Variants in PSD3 observed in about 807,000 individuals in gnomAD.
The protein encoded by PSD3 is PH and SEC7 domain-containing protein 3.
PSD3 carries 49 observed loss-of-function variants against 105.5 expected under a neutral mutation model. That is an observed-to-expected ratio of 0.46 (90% CI 0.37 to 0.59). The LOEUF (loss-of-function observed/expected upper bound fraction) is 0.59. Among genes scored for constraint, PSD3 ranks in the 20% least tolerant of loss-of-function variants. The pLI, the probability that PSD3 is intolerant of heterozygous loss-of-function variation, is 0.00. For missense variants in PSD3, 1,561 were observed against 1,263.8 expected (o/e 1.24, Z -3.57); for synonymous variants, 557 against 457.8 (o/e 1.22, Z -2.77).
intron 9 of PSD3, among the ~76,000 whole-genome samples, chr8:18,761,787 C>T (rs1021919661): frequency 2.6e-5 from 4 of 152,292 alleles, no homozygotes; most frequent in African/African-American, 9.6e-5. Flanking sequence ...TGCTTGAATA[C>T]AAACCACATC....
intron 1 of PSD3, among the ~76,000 whole-genome samples, chr8:19,060,144 T>G (rs1471827264): frequency 6.6e-6 from 1 of 152,208 alleles, no homozygotes; most frequent in Admixed American, 6.5e-5. Context: ...TCCTCACCTG[T>G]GAATAACATC....
intron 1 of PSD3, among the ~76,000 whole-genome samples, chr8:18,945,600 G>A (rs573365415): frequency 6.6e-6 from 1 of 152,178 alleles, no homozygotes; most frequent in African/African-American, 2.4e-5. Flanking sequence ...GCAGCTATAG[G>A]AAACCAATAC....
rs752699517 is a variant in PSD3, at chr8:18,565,388, C to T, written c.2784+7140G>A. Among the ~76,000 whole-genome samples, 9 of 152,152 alleles carry T rather than the reference C, an allele frequency of 5.9e-5. No individual in the cohort carries two copies. In the South Asian group the frequency reaches 1.9e-3, roughly 31 times the overall value. On this transcript the variant is annotated intron_variant, in intron 14 of 15. Transcript: ENST00000327040. ...AGAAGAAAAATGTGCTCTGGCAGCA[C>T]TGTCATGAAAAACAAAGAAGGCGAC...
At chr8:18,693,756 A>G (rs574568439) in intron 9 of PSD3, among the ~76,000 whole-genome samples, 33 of 152,188 alleles carry the variant, frequency 2.2e-4, no homozygotes, top group African/African-American at 7.5e-4. Flanking sequence ...GTTCAAGTCT[A>G]TTTTTCTAAT....
chr8:19,013,379 C>T (rs1248449768), intron 1 of PSD3, among the ~76,000 whole-genome samples, 184 bp downstream of exon 1: 5 of 152,092 alleles, frequency 3.3e-5, no homozygotes, highest in Admixed American at 6.5e-5. Context: ...CTGCTGGGCT[C>T]CTAAAAAACA....
chr8:18,587,618 T>C (rs969894806), intron 12 of PSD3, among the ~76,000 whole-genome samples: 7 of 152,178 alleles, frequency 4.6e-5, no homozygotes, highest in African/African-American at 7.2e-5. Flanking sequence ...GTTCAAGTCA[T>C]GTTAATTCCT....
intron 9 of PSD3, among the ~76,000 whole-genome samples, chr8:18,665,934 C>G (rs1245815684): frequency 1.3e-5 from 2 of 152,238 alleles, no homozygotes; most frequent in East Asian, 1.9e-4. Context: ...CAACCTTCAG[C>G]AGCCACCACC....
chr8:18,544,909 G>GT, intron 15 of PSD3, among the ~76,000 whole-genome samples: 1 of 152,140 alleles, frequency 6.6e-6, no homozygotes, highest in Non-Finnish European at 1.5e-5. Context: ...GTGACCATCA[G>GT]TAGACGCTCC....
intron 1 of PSD3, among the ~76,000 whole-genome samples, chr8:18,995,212 T>C (rs1467770345): frequency 6.6e-6 from 1 of 152,132 alleles, no homozygotes; most frequent in East Asian, 1.9e-4. Flanking sequence ...AAGCATGTAC[T>C]CAGAGGTCTA....
intron 8 of PSD3, among the ~76,000 whole-genome samples, chr8:18,789,901 C>G (rs1041930992): frequency 1.1e-4 from 16 of 152,080 alleles, no homozygotes; most frequent in Admixed American, 1.3e-4. Context: ...CAGAACTGTG[C>G]CAATGTAAAA....
At chr8:18,764,726 CCT>C (rs529879594) in intron 9 of PSD3, among the ~76,000 whole-genome samples, 79 of 152,210 alleles carry the variant, frequency 5.2e-4, no homozygotes, top group Non-Finnish European at 8.7e-4. Context: ...CCAAAAGAAA[CCT>C]ATACGTGTAC....
At chr8:18,630,055 T>A (rs1356188810) in intron 11 of PSD3, among the ~76,000 whole-genome samples, 5 of 151,784 alleles carry the variant, frequency 3.3e-5, no homozygotes, top group Non-Finnish European at 7.4e-5. Context: ...ATAAAGCAAC[T>A]GACAGGAAAG....
chr8:18,937,913 G>A (rs550008962), intron 1 of PSD3, among the ~76,000 whole-genome samples: 2 of 152,230 alleles, frequency 1.3e-5, no homozygotes, highest in Admixed American at 1.3e-4. Flanking sequence ...TGGCGGGAAG[G>A]CCATACGCAT....
intron 7 of PSD3, among the ~76,000 whole-genome samples, chr8:18,799,817 A>G (rs995922922): frequency 3.3e-5 from 5 of 152,204 alleles, no homozygotes; most frequent in Non-Finnish European, 7.3e-5. Context: ...CTTTCCAAAC[A>G]CTACAATTAG....
At position 18,575,262 on chromosome 8, in the gene PSD3, G is replaced by C. The variant is rs368357382; in HGVS notation, c.2505C>G (p.Ala835=). Residue 835 remains alanine, a synonymous_variant, in exon 13 of 16, where the codon GCC becomes GCG. Transcript: ENST00000327040. ...LQKDEYKPEK[A]LSEEDLKNAV... Reference sequence around the variant, plus strand: ...CGTTTTTCAAGTCCTCTTCAGACAAGGCCTTTTCTGGCTTGTATTCATCCT... The same window carrying C: ...CGTTTTTCAAGTCCTCTTCAGACAACGCCTTTTCTGGCTTGTATTCATCCT... 1 of 1,611,000 alleles carries C rather than the reference G, an allele frequency of 6.2e-7. No individual in the cohort carries two copies. The highest frequency in any genetic ancestry group is 2.2e-5 in the East Asian group (1 of 44,734).
At chr8:18,986,030 T>C (rs527966139) in intron 1 of PSD3, among the ~76,000 whole-genome samples, 1 of 152,278 alleles carries the variant, frequency 6.6e-6, no homozygotes, top group Admixed American at 6.5e-5. Context: ...AAATGTAGGG[T>C]AGCACAGCAG....
At chr8:18,913,505 G>C (rs1256591897) in intron 2 of PSD3, among the ~76,000 whole-genome samples, 2 of 152,038 alleles carry the variant, frequency 1.3e-5, no homozygotes, top group Non-Finnish European at 2.9e-5. Context: ...TGCAGATAGA[G>C]ACTCCAGGCC....
intron 11 of PSD3, among the ~76,000 whole-genome samples, chr8:18,623,446 C>CA (rs755208314): frequency 0.37 from 21,084 of 56,656 alleles, 4,424 homozygotes; most frequent in South Asian, 0.5. Flanking sequence ...CCCCCGTCTC[C>CA]CCAAAAAAAA....
chr8:19,044,359 G>A (rs1198583869), intron 1 of PSD3, among the ~76,000 whole-genome samples: 1 of 152,126 alleles, frequency 6.6e-6, no homozygotes, highest in Non-Finnish European at 1.5e-5. Context: ...AGCCAGCCTG[G>A]TGTAATGCAA....
Sources: gnomAD v4.1 joint callset for allele counts (sites outside exome capture counted in the v4.1 genomes callset) on GRCh38, gnomAD v4.1.1 for gene constraint, MANE v1.5 for transcripts, NCBI Gene and HGNC (gene_info 2026-07-23, HGNC 2026-07-21) for gene names.